PRRX1: variants seen among roughly 807,000 people sequenced by gnomAD.
PRRX1 encodes the protein paired mesoderm homeobox protein 1.
In PRRX1, 8 loss-of-function variants were observed where a neutral mutation model predicts 24.0. The observed-to-expected ratio is 0.33, with a 90% CI of 0.20 to 0.60. The LOEUF (loss-of-function observed/expected upper bound fraction) is 0.60, where lower values mean the gene tolerates loss of function less well. PRRX1 is among the 20% of genes least tolerant of loss of function. PRRX1 has a pLI of 0.82. For missense variants in PRRX1, 281 were observed against 322.4 expected, an observed-to-expected ratio of 0.87 and a Z score of 0.98; for synonymous variants, 160 against 131.7, an observed-to-expected ratio of 1.22 and a Z score of -1.47.
intron 1 of PRRX1, among the ~76,000 whole-genome samples, chr1:170,671,470 C>G (rs1237682428): frequency 6.6e-6 from 1 of 152,226 alleles, no homozygotes; most frequent in South Asian, 2.1e-4. Context: ...TGCTTTCCGC[C>G]GGGTAAATTA....
At chr1:170,690,005 C>T (rs1371276420) in intron 1 of PRRX1, among the ~76,000 whole-genome samples, 34 of 151,760 alleles carry the variant, frequency 2.2e-4, no homozygotes, top group Admixed American at 2.2e-3. Context: ...CTGTATGAAA[C>T]ACTTCTCAAC....
chr1:170,726,341 T>C lies in PRRX1; in HGVS notation c.539T>C (p.Val180Ala). 3 of 1,614,134 alleles carry C rather than the reference T, an allele frequency of 1.9e-6. No individual in the cohort carries two copies. Among genetic ancestry groups the C allele is most frequent in the East Asian group, 2.2e-5 (1 of 44,872 alleles). The change falls in exon 3 of 4, where the codon GTA (valine) becomes GCA (alanine). Residue 180 changes from valine to alanine, a missense_variant. Physicochemically the swap from Val to Ala is moderately conservative, Grantham distance 64. Transcript: ENST00000239461. ...GDVTAVEQPI[V>A]PRPAPRPTDY... is the part of the protein sequence containing the mutation. Reference sequence around the variant, plus strand: ...GTGACTGCTGTGGAGCAGCCCATCGTACCTCGTCCTGCTCCGAGACCCACC... The same window carrying C: ...GTGACTGCTGTGGAGCAGCCCATCGCACCTCGTCCTGCTCCGAGACCCACC...
intron 1 of PRRX1, among the ~76,000 whole-genome samples, chr1:170,672,101 C>G (rs956194631): frequency 3.3e-5 from 5 of 152,254 alleles, no homozygotes; most frequent in Non-Finnish European, 5.9e-5. Flanking sequence ...CTTGTGTGAG[C>G]CTGCAACTTG....
At chr1:170,706,271 G>A (rs547603061) in intron 1 of PRRX1, among the ~76,000 whole-genome samples, 93 of 152,258 alleles carry the variant, frequency 6.1e-4, no homozygotes, top group Non-Finnish European at 1.2e-3. Flanking sequence ...TTAATCCATT[G>A]TTAAATTTAT....
rs1654876621 is a variant in PRRX1 at position 170,715,447 on chromosome 1, A to G, written c.242-4279A>G. Among the ~76,000 whole-genome samples, 10 of 152,178 alleles carry G rather than the reference A, an allele frequency of 6.6e-5. 1 individual carries two copies. The highest frequency in any genetic ancestry group is 5.9e-4 in the Admixed American group (9 of 15,290). ...AAATATTGAACCATAATTTTTAAAA[A>G]GTATTTGATAATATACTAATATATG... On this transcript the variant is annotated intron_variant, in intron 1 of 3. Coordinates refer to ENST00000239461, the MANE Select transcript of PRRX1 (RefSeq NM_022716.4).
At chr1:170,704,692 T>A (rs1453239386) in intron 1 of PRRX1, among the ~76,000 whole-genome samples, 1 of 152,236 alleles carries the variant, frequency 6.6e-6, no homozygotes, top group Admixed American at 6.5e-5. Flanking sequence ...AGAGTCTTTG[T>A]TGGAACAAAT....
chr1:170,719,445 C>T (rs1165196773), intron 1 of PRRX1, among the ~76,000 whole-genome samples: 1 of 152,170 alleles, frequency 6.6e-6, no homozygotes, highest in African/African-American at 2.4e-5. Context: ...CCTTGACAAA[C>T]AGGCATCAAG....
intron 2 of PRRX1, among the ~76,000 whole-genome samples, chr1:170,725,644 T>C (rs974828873): frequency 3.3e-5 from 5 of 152,238 alleles, no homozygotes; most frequent in Admixed American, 6.5e-5. Flanking sequence ...GCTGGTTTAG[T>C]AGTACACCCT....
intron 3 of PRRX1, chr1:170,728,348 CTATTT>C (rs1655320874): frequency 6.6e-6 from 1 of 152,074 alleles, no homozygotes; most frequent in Non-Finnish European, 1.5e-5. Flanking sequence ...TGGAAATATT[CTATTT>C]TAATGGAAAG....
chr1:170,663,984 G>T (rs1326819695), upstream of PRRX1: 5 of 517,638 alleles, frequency 9.7e-6, no homozygotes, highest in East Asian at 1.5e-4. Flanking sequence ...CCAATGCTGC[G>T]GAAGGCGGCT....
At chr1:170,725,089 G>C (rs1655212143) in intron 2 of PRRX1, among the ~76,000 whole-genome samples, 1 of 151,982 alleles carries the variant, frequency 6.6e-6, no homozygotes, top group African/African-American at 2.4e-5. Context: ...CTTTTCTGTT[G>C]TAGGTGTATA....
chr1:170,733,419 C>T (rs553387385), intron 3 of PRRX1, among the ~76,000 whole-genome samples: 165 of 152,130 alleles, frequency 1.1e-3, no homozygotes, highest in Non-Finnish European at 1.7e-3. Context: ...TCCAGAATCT[C>T]AAAAAACACA....
chr1:170,718,609 C>A (rs1210001477), intron 1 of PRRX1, among the ~76,000 whole-genome samples: 1 of 152,150 alleles, frequency 6.6e-6, no homozygotes, highest in African/African-American at 2.4e-5. Context: ...TTGGGCTGAG[C>A]CTCTTTGGGG....
chr1:170,687,745 C>T (rs1653795823), intron 1 of PRRX1, among the ~76,000 whole-genome samples: 2 of 152,014 alleles, frequency 1.3e-5, no homozygotes, highest in South Asian at 2.1e-4. Flanking sequence ...TTGTGGAGTC[C>T]GTTATCACTC....
chr1:170,716,284 T>A (rs748513964), intron 1 of PRRX1, among the ~76,000 whole-genome samples: 3 of 152,174 alleles, frequency 2.0e-5, no homozygotes, highest in Non-Finnish European at 4.4e-5. Flanking sequence ...GCAACTTTGA[T>A]AAAAAATGTA....
At chr1:170,712,630 G>A (rs934568488) in intron 1 of PRRX1, among the ~76,000 whole-genome samples, 24 of 152,198 alleles carry the variant, frequency 1.6e-4, no homozygotes, top group African/African-American at 5.1e-4. Flanking sequence ...TGCCTACTAT[G>A]TGTCAGCCTA....
chr1:170,681,493 G>T (rs1653505288), intron 1 of PRRX1, among the ~76,000 whole-genome samples: 1 of 92,712 alleles, frequency 1.1e-5, no homozygotes. Flanking sequence ...TGTTATCTTT[G>T]CAAAAAAAAA....
chr1:170,721,312 T>A (rs1332404671), intron 2 of PRRX1, among the ~76,000 whole-genome samples: 1 of 152,204 alleles, frequency 6.6e-6, no homozygotes, highest in Non-Finnish European at 1.5e-5. Context: ...TGTTTGTATA[T>A]CTATGTTCAG....
intron 1 of PRRX1, among the ~76,000 whole-genome samples, chr1:170,675,478 A>G (rs1653288656): frequency 6.6e-6 from 1 of 152,150 alleles, no homozygotes; most frequent in Non-Finnish European, 1.5e-5. Context: ...CTTAAGGCTC[A>G]TGCATGCTTT....
Sources: allele counts gnomAD v4.1 joint callset (sites outside exome capture counted in the v4.1 genomes callset), GRCh38; gene constraint gnomAD v4.1.1; transcripts MANE v1.5; gene names NCBI Gene and HGNC (gene_info 2026-07-23, HGNC 2026-07-21).